The following CYFIP1 variants were observed in gnomAD, a reference collection of about 807,000 sequenced individuals.
CYFIP1 encodes cytoplasmic FMR1 interacting protein 1, also known as cytoplasmic FMR1-interacting protein 1.
CYFIP1 carries 58 observed loss-of-function variants against 163.5 expected under a neutral mutation model. That is an observed-to-expected ratio of 0.35 (90% CI 0.29 to 0.44). The LOEUF (loss-of-function observed/expected upper bound fraction) is 0.44. CYFIP1 is among the 20% of genes least tolerant of loss of function. The probability of loss-of-function intolerance (pLI) is 1.00; values close to 1 mark genes in which losing one functional copy is unlikely to be tolerated. For synonymous variants in CYFIP1, 663 were observed against 660.7 expected (o/e 1.00, Z -0.05); for missense variants, 1,338 against 1,653.8 (o/e 0.81, Z 3.31).
At chr15:22,956,924 C>T (rs1262992015) in intron 1 of CYFIP1, among the ~76,000 whole-genome samples, 2 of 152,258 alleles carry the variant, frequency 1.3e-5, no homozygotes, top group African/African-American at 2.4e-5. Context: ...CTTCTCTTTC[C>T]ACCCTAGGTC....
chr15:22,920,190 G>A (rs540152102), intron 13 of CYFIP1, among the ~76,000 whole-genome samples: 137 of 118,256 alleles, frequency 1.2e-3, no homozygotes, highest in Admixed American at 2.1e-3. Flanking sequence ...TTTGAGACAG[G>A]GTCTCACTCT....
chr15:22,964,349 T>TCACACACACACA (rs1206406734), intron 1 of CYFIP1, among the ~76,000 whole-genome samples: 67 of 39,566 alleles, frequency 1.7e-3, no homozygotes, highest in African/African-American at 3.8e-3. Context: ...CGCAACCTCA[T>TCACACACACACA]CACTCACACA....
chr15:22,894,361 C>T (rs2060167351), intron 22 of CYFIP1, among the ~76,000 whole-genome samples: 1 of 137,496 alleles, frequency 7.3e-6, no homozygotes, highest in Non-Finnish European at 1.5e-5. Context: ...GTGATCTTGG[C>T]TCACCACAAC....
At chr15:22,921,500 C>T (rs1482443287) in intron 13 of CYFIP1, among the ~76,000 whole-genome samples, 1 of 151,374 alleles carries the variant, frequency 6.6e-6, no homozygotes, top group Non-Finnish European at 1.5e-5. Flanking sequence ...AAATGCTTAG[C>T]AAGAATAACA....
intron 1 of CYFIP1, among the ~76,000 whole-genome samples, chr15:22,960,789 G>A (rs1216453352): frequency 6.6e-6 from 1 of 152,176 alleles, no homozygotes; most frequent in African/African-American, 2.4e-5. Context: ...CCTGGAGTGT[G>A]TTTGCAGATG....
At chr15:22,877,343 C>T (rs370571500) in intron 26 of CYFIP1, among the ~76,000 whole-genome samples, 1 of 152,122 alleles carries the variant, frequency 6.6e-6, no homozygotes, top group Admixed American at 6.5e-5. Context: ...TCTTGGACTT[C>T]CCAGCCTCCA....
At chr15:22,916,748 C>T (rs1428966060) in intron 15 of CYFIP1, 118 bp from the exon 16 acceptor site, 2 of 1,611,288 alleles carry the variant, frequency 1.2e-6, no homozygotes, top group South Asian at 2.2e-5. Flanking sequence ...CGGGAGGGCC[C>T]CGCACCAGCT....
chr15:22,967,194 C>G (rs2062942053), intron 1 of CYFIP1, among the ~76,000 whole-genome samples: 1 of 152,228 alleles, frequency 6.6e-6, no homozygotes, highest in African/African-American at 2.4e-5. Flanking sequence ...TTCCCAGGAG[C>G]TGCTGGCAGC....
chr15:22,964,353 T>TCTCACACACACA (rs1491543312), intron 1 of CYFIP1, among the ~76,000 whole-genome samples: 7 of 78,752 alleles, frequency 8.9e-5, no homozygotes, highest in African/African-American at 2.0e-4. Flanking sequence ...ACCTCATCAC[T>TCTCACACACACA]CACACACACA....
At chr15:22,922,247 T>C (rs1195510301) in intron 13 of CYFIP1, among the ~76,000 whole-genome samples, 1 of 152,176 alleles carries the variant, frequency 6.6e-6, no homozygotes, top group East Asian at 1.9e-4. Context: ...TGACTAATAG[T>C]GACCTCCTGT....
chr15:22,876,467 C>T (rs2059587229), intron 26 of CYFIP1, among the ~76,000 whole-genome samples: 1 of 152,042 alleles, frequency 6.6e-6, no homozygotes, highest in African/African-American at 2.4e-5. Flanking sequence ...CTGCTTCAAA[C>T]TCTTGTGGTT....
intron 22 of CYFIP1, among the ~76,000 whole-genome samples, chr15:22,902,228 GC>G (rs920834127): frequency 2.0e-4 from 30 of 152,334 alleles, no homozygotes; most frequent in African/African-American, 5.3e-4. Context: ...TGGGTGTAAG[GC>G]CCCAGCAGAT....
At chr15:22,936,961 A>G (rs980606573) in intron 9 of CYFIP1, 143 bp downstream of exon 9, 1 of 641,336 alleles carries the variant, frequency 1.6e-6, no homozygotes, top group South Asian at 1.9e-5. Context: ...TCACCTCTGC[A>G]GACGGGAGAA....
rs2059268315 is a variant in CYFIP1 at position 22,868,134 on chromosome 15, A to AGCTC, written c.*1890_*1893dup. The AGCTC allele has an allele frequency of 2.0e-5, 3 of 152,252 alleles. No homozygotes were observed. The highest frequency in any genetic ancestry group is 1.3e-4 in the Admixed American group (2 of 15,292). The allele number at this position is 152,252 out of a possible 1,614,324, so 9.4% of individuals were successfully genotyped here. A position where few individuals can be genotyped will look rare whatever the true frequency, so the allele number is the denominator to read the frequency against. On this transcript the variant is annotated 3_prime_UTR_variant, in exon 31 of 31. Coordinates refer to ENST00000617928, the MANE Select transcript of CYFIP1 (RefSeq NM_014608.6). ...TGCCAATGGTGCTGGTATCCCATGCAGCTCACCACTGGCTGCGTGGAAACT... is the reference window on the plus strand; with the variant it reads ...TGCCAATGGTGCTGGTATCCCATGCAGCTCGCTCACCACTGGCTGCGTGGAAACT...
intron 1 of CYFIP1, among the ~76,000 whole-genome samples, chr15:22,966,044 G>A (rs1056288242): frequency 7.2e-5 from 11 of 152,052 alleles, no homozygotes; most frequent in Admixed American, 2.6e-4. Context: ...ATAGGACTGG[G>A]TCCTTATAAG....
At chr15:22,929,637 A>C (rs1199980626) in intron 11 of CYFIP1, among the ~76,000 whole-genome samples, 12 of 131,942 alleles carry the variant, frequency 9.1e-5, no homozygotes, top group African/African-American at 2.0e-4. Flanking sequence ...GTCTCAAAAA[A>C]AAAAAAAAAA....
In CYFIP1 at chr15:22,874,655, A is replaced by T; in HGVS notation, c.3116-11T>A. 1 of 1,568,562 alleles carries T rather than the reference A, an allele frequency of 6.4e-7. No homozygotes were observed. The highest frequency in any genetic ancestry group is 8.6e-7 in the Non-Finnish European group (1 of 1,160,048). ...CAAGTCTCTCCCCCTCTGCAGTAGA[A>T]AAAATATTTTACTATATTCTGCTCC... On this transcript the variant is annotated splice_polypyrimidine_tract_variant and intron_variant, in intron 27 of 30. Transcript: ENST00000617928.
chr15:22,951,618 T>C (rs2062252206), intron 1 of CYFIP1: 9 of 1,204,274 alleles, frequency 7.5e-6, no homozygotes, highest in Non-Finnish European at 9.8e-6. Context: ...TGGGGGCGTG[T>C]CCAGTCATGC....
At chr15:22,971,759 A>T (rs538763643) in intron 1 of CYFIP1, among the ~76,000 whole-genome samples, 1 of 152,164 alleles carries the variant, frequency 6.6e-6, no homozygotes, top group Non-Finnish European at 1.5e-5. Context: ...AGTCCCAGAC[A>T]CTCAGGAGGC....
Sources: gnomAD v4.1 joint callset for allele counts (sites outside exome capture counted in the v4.1 genomes callset) on GRCh38, gnomAD v4.1.1 for gene constraint, MANE v1.5 for transcripts, NCBI Gene and HGNC (gene_info 2026-07-23, HGNC 2026-07-21) for gene names.